RABL3: variants seen among roughly 807,000 people sequenced by gnomAD.
RABL3 encodes RAB, member of RAS oncogene family like 3, also known as rab-like protein 3.
Under a neutral mutation model 31.8 loss-of-function variants are expected in RABL3, and 31 were observed. The ratio of observed to expected loss-of-function variants is 0.97; its 90% CI spans 0.73 to 1.31. The LOEUF (loss-of-function observed/expected upper bound fraction) is 1.31, where lower values mean the gene tolerates loss of function less well. Ranked by LOEUF, RABL3 falls within the 40% of genes most tolerant of loss-of-function variation. The pLI, the probability that RABL3 is intolerant of heterozygous loss-of-function variation, is 0.00. For synonymous variants in RABL3, 97 were observed against 99.9 expected, an observed-to-expected ratio of 0.97 and a Z score of 0.18; for missense variants, 263 against 279.6, an observed-to-expected ratio of 0.94 and a Z score of 0.42.
Position 120,742,494 on chromosome 3 carries a change from T to C in RABL3, c.14A>G (p.Asp5Gly). 2 of 1,614,212 alleles carry C rather than the reference T, an allele frequency of 1.2e-6. No homozygotes were observed. The change falls in exon 1 of 8, where the codon GAT becomes GGT. Residue 5 changes from aspartate (D) to glycine (G), a missense_variant. Asp to Gly is a moderately conservative substitution (Grantham distance 94). Transcript: ENST00000273375. Reference protein sequence around the residue: MASLDRVKVLVLGDS... With the variant: MASLGRVKVLVLGDS... ...TCCCAACACCAGTACCTTCACCCGA[T>C]CCAGGGACGCCATCTTGCCACTGCC... is the stretch of plus-strand genomic sequence containing the variant.
At position 120,688,121 on chromosome 3, in the gene RABL3, A is replaced by T. The variant is rs1233409932; in HGVS notation, c.*1702T>A. On this transcript the variant is annotated 3_prime_UTR_variant, in exon 8 of 8. Transcript: ENST00000273375. ...TTATTTTTTAAATAAGATAGAAAAT[A>T]AAAAAATCAGGATGAATTTTTTTAA... 2.6e-5 allele frequency: 4 copies of T among 152,372 alleles called. No homozygotes were observed. The highest frequency in any genetic ancestry group is 6.5e-5 in the Admixed American group (1 of 15,282). 9.4% of individuals were successfully genotyped at this position (152,372 alleles called of 1,614,324 possible).
At chr3:120,740,417 T>C (rs751713772) in intron 1 of RABL3, among the ~76,000 whole-genome samples, 16 of 152,054 alleles carry the variant, frequency 1.1e-4, no homozygotes, top group Non-Finnish European at 2.4e-4. Flanking sequence ...TGCACCACCA[T>C]GCCCGGCTAA....
In RABL3 at chr3:120,728,083, A is replaced by G. The variant is rs566539458; in HGVS notation, c.138+2613T>C. On this transcript the variant is annotated intron_variant, in intron 2 of 7. Coordinates refer to ENST00000273375, the MANE Select transcript of RABL3 (RefSeq NM_173825.5). Reference sequence around the variant, plus strand: ...TTGTACTGGAGTTTCAGCTAATTCAATAAGACAAGTGGGAAAGAAAACCAA... The same window carrying G: ...TTGTACTGGAGTTTCAGCTAATTCAGTAAGACAAGTGGGAAAGAAAACCAA... Among the ~76,000 whole-genome samples the G allele has an allele frequency of 5.3e-5, 8 of 152,320 alleles. No individual in the cohort carries two copies. The South Asian group carries it at 1.7e-3, about 32-fold the overall frequency.
At chr3:120,734,966 T>C (rs1162832122) in intron 1 of RABL3, among the ~76,000 whole-genome samples, 6 of 152,242 alleles carry the variant, frequency 3.9e-5, no homozygotes, top group Non-Finnish European at 7.3e-5. Context: ...TTGAGGATTT[T>C]TGCATTGATG....
chr3:120,708,050 G>A (rs115432744), intron 3 of RABL3, among the ~76,000 whole-genome samples: 1,663 of 152,102 alleles, frequency 0.011, 32 homozygotes, highest in African/African-American at 0.037. Flanking sequence ...GAAAGTTATC[G>A]CTAAGAATAT....
chr3:120,714,034 A>G (rs1483299023), intron 2 of RABL3, among the ~76,000 whole-genome samples: 1 of 151,542 alleles, frequency 6.6e-6, no homozygotes, highest in African/African-American at 2.4e-5. Flanking sequence ...CTGGTCTCAA[A>G]CTCCTGACCT....
intron 2 of RABL3, among the ~76,000 whole-genome samples, chr3:120,721,274 C>G (rs1028919590): frequency 2.0e-5 from 3 of 152,130 alleles, no homozygotes; most frequent in Non-Finnish European, 4.4e-5. Context: ...GAAACTGCAT[C>G]AACTAACGAG....
intron 2 of RABL3, 51 bp downstream of exon 2, chr3:120,730,645 G>A: frequency 4.3e-6 from 5 of 1,170,230 alleles, no homozygotes; most frequent in Non-Finnish European, 5.1e-6. Context: ...GTAATTTGAA[G>A]CAGTTATCTT....
chr3:120,737,997 C>T (rs1708992983), intron 1 of RABL3, among the ~76,000 whole-genome samples: 1 of 152,170 alleles, frequency 6.6e-6, no homozygotes, highest in South Asian at 2.1e-4. Context: ...AGGGGGCAAT[C>T]TGTCTGTTCT....
At chr3:120,729,470 C>T (rs1708858368) in intron 2 of RABL3, among the ~76,000 whole-genome samples, 1 of 152,010 alleles carries the variant, frequency 6.6e-6, no homozygotes, top group Admixed American at 6.6e-5. Flanking sequence ...GTAGCATATA[C>T]AGCAAGGAGC....
At chr3:120,737,399 T>C (rs1350062970) in intron 1 of RABL3, among the ~76,000 whole-genome samples, 1 of 152,204 alleles carries the variant, frequency 6.6e-6, no homozygotes, top group Non-Finnish European at 1.5e-5. Flanking sequence ...CTTCTCTACA[T>C]TGGTTATTCT....
At position 120,689,613 on chromosome 3, in the gene RABL3, G is replaced by C; in HGVS notation, c.*210C>G. 2.1e-6 allele frequency: 1 copy of C among 485,048 alleles called. No homozygotes were observed. The allele number at this position is 485,048 out of a possible 1,614,324, so 30.0% of individuals were successfully genotyped here. On this transcript the variant is annotated 3_prime_UTR_variant, in exon 8 of 8. Transcript: ENST00000273375. ...GGCTTTTACATAATCTATACACAGG[G>C]ACAGAAAGGTAAGGAACACAGAGAA...
chr3:120,696,602 C>T (rs901421825), intron 5 of RABL3, among the ~76,000 whole-genome samples: 25 of 150,374 alleles, frequency 1.7e-4, no homozygotes, highest in Non-Finnish European at 2.8e-4. Flanking sequence ...AACACACACA[C>T]ACACACACAC....
At position 120,690,014 on chromosome 3, in the gene RABL3, A is replaced by C. The variant is rs558483873; in HGVS notation, c.646-126T>G. 4.8e-5 allele frequency: 34 copies of C among 701,356 alleles called. No individual in the cohort carries two copies. The East Asian group carries it at 7.4e-4, about 15-fold the overall frequency. The allele number at this position is 701,356 out of a possible 1,614,324, so 43.4% of individuals were successfully genotyped here. On this transcript the variant is annotated intron_variant, in intron 7 of 7. Coordinates refer to ENST00000273375, the MANE Select transcript of RABL3 (RefSeq NM_173825.5). ...TGTTTCTTAAAAAAACAACTTTCTGAGGTTTTACTCAGAAAACCACAGATT... is the reference window on the plus strand; with the variant it reads ...TGTTTCTTAAAAAAACAACTTTCTGCGGTTTTACTCAGAAAACCACAGATT...
intron 5 of RABL3, among the ~76,000 whole-genome samples, chr3:120,696,355 T>C (rs1413569405): frequency 6.6e-6 from 1 of 152,208 alleles, no homozygotes; most frequent in Non-Finnish European, 1.5e-5. Context: ...CTGATTGCTA[T>C]TTCTTTTTGA....
intron 2 of RABL3, among the ~76,000 whole-genome samples, chr3:120,723,060 TGAA>T (rs1373080246): frequency 1.3e-5 from 2 of 151,580 alleles, no homozygotes; most frequent in Non-Finnish European, 2.9e-5. Flanking sequence ...GCAACACTAA[TGAA>T]GAAGAAAAGA....
intron 4 of RABL3, among the ~76,000 whole-genome samples, chr3:120,704,260 C>T (rs911366771): frequency 7.2e-5 from 11 of 152,174 alleles, no homozygotes; most frequent in Admixed American, 5.9e-4. Context: ...ATGTAATCCA[C>T]CAGTATTGAA....
chr3:120,738,380 A>G (rs188723985), intron 1 of RABL3: 12 of 152,478 alleles, frequency 7.9e-5, no homozygotes, highest in African/African-American at 2.4e-4. Context: ...GAGGGACCCA[A>G]TTTTCCAGGT....
intron 1 of RABL3, among the ~76,000 whole-genome samples, chr3:120,742,007 T>C (rs928660077): frequency 3.9e-5 from 6 of 152,218 alleles, no homozygotes; most frequent in Non-Finnish European, 7.3e-5. Flanking sequence ...AATGAGTTAA[T>C]ACATGCGAAG....
Sources: gnomAD v4.1 joint callset for allele counts (sites outside exome capture counted in the v4.1 genomes callset) on GRCh38, gnomAD v4.1.1 for gene constraint, MANE v1.5 for transcripts, NCBI Gene and HGNC (gene_info 2026-07-23, HGNC 2026-07-21) for gene names.